PLCB1: variants seen among roughly 807,000 people sequenced by gnomAD.
PLCB1 encodes 1-phosphatidylinositol 4,5-bisphosphate phosphodiesterase beta-1.
PLCB1 carries 46 observed loss-of-function variants against 161.8 expected under a neutral mutation model. The ratio of observed to expected loss-of-function variants is 0.28; its 90% CI spans 0.22 to 0.36. The LOEUF is 0.36. PLCB1 is among the 10% of genes least tolerant of loss of function. PLCB1 has a pLI of 1.00. For synonymous variants in PLCB1, 517 were observed against 503.7 expected (o/e 1.03, Z -0.35); for missense variants, 1,016 against 1,472.5 (o/e 0.69, Z 5.07).
chr20:8,771,274 T>C (rs553134519), intron 26 of PLCB1, among the ~76,000 whole-genome samples: 21 of 152,246 alleles, frequency 1.4e-4, no homozygotes, highest in African/African-American at 4.6e-4. Context: ...TTAAGTTAAA[T>C]AAAATATATT....
At chr20:8,224,710 C>T (rs1979587582) in intron 2 of PLCB1, among the ~76,000 whole-genome samples, 1 of 152,170 alleles carries the variant, frequency 6.6e-6, no homozygotes, top group Non-Finnish European at 1.5e-5. Flanking sequence ...ACCTCATAAC[C>T]ATTGCCTGAT....
intron 2 of PLCB1, among the ~76,000 whole-genome samples, chr20:8,307,206 G>C (rs901558623): frequency 2.6e-5 from 4 of 152,186 alleles, no homozygotes; most frequent in Admixed American, 2.6e-4. Flanking sequence ...GGGAGTAGGG[G>C]GGTGGGCATG....
At position 8,708,879 on chromosome 20, in the gene PLCB1, G is replaced by A. The variant is rs192663781; in HGVS notation, c.1250+127G>A. On this transcript the variant is annotated intron_variant, in intron 12 of 31. Transcript: ENST00000338037. ...CTTCAATCATGTTGTATATTAACTGGCATGTTTTCATTTGTAGGTGATGGA... is the reference window on the plus strand; with the variant it reads ...CTTCAATCATGTTGTATATTAACTGACATGTTTTCATTTGTAGGTGATGGA... The A allele has an allele frequency of 1.3e-4, 75 of 598,826 alleles. 2 individuals are homozygous for A. The Admixed American group carries it at 2.2e-3, about 18-fold the overall frequency. The allele number at this position is 598,826 out of a possible 1,614,324, so 37.1% of individuals were successfully genotyped here.
At chr20:8,866,489 G>A (rs950388241) in intron 31 of PLCB1, among the ~76,000 whole-genome samples, 2 of 152,192 alleles carry the variant, frequency 1.3e-5, no homozygotes, top group East Asian at 1.9e-4. Context: ...GTTGCAAATC[G>A]ACCTGCATGG....
At chr20:8,691,061 G>T (rs1990467423) in intron 10 of PLCB1, among the ~76,000 whole-genome samples, 1 of 152,120 alleles carries the variant, frequency 6.6e-6, no homozygotes, top group Non-Finnish European at 1.5e-5. Context: ...ACAGGCTCTT[G>T]AAGTTTTGCC....
intron 2 of PLCB1, among the ~76,000 whole-genome samples, chr20:8,358,279 C>T (rs1454807353): frequency 6.6e-6 from 1 of 152,112 alleles, no homozygotes; most frequent in Non-Finnish European, 1.5e-5. Context: ...GACAGAGTCT[C>T]ACTCTGTCGC....
chr20:8,166,132 T>C (rs1400869460), intron 2 of PLCB1, among the ~76,000 whole-genome samples: 1 of 152,180 alleles, frequency 6.6e-6, no homozygotes, highest in Non-Finnish European at 1.5e-5. Context: ...CACTGGCTAC[T>C]TCCTTTCTTT....
At chr20:8,355,288 C>T (rs1351112766) in intron 2 of PLCB1, among the ~76,000 whole-genome samples, 1 of 151,338 alleles carries the variant, frequency 6.6e-6, no homozygotes, top group Non-Finnish European at 1.5e-5. Flanking sequence ...ATCATAGGTA[C>T]AATAAAAAAT....
chr20:8,348,026 G>A (rs1423710486), intron 2 of PLCB1, among the ~76,000 whole-genome samples: 1 of 152,156 alleles, frequency 6.6e-6, no homozygotes, highest in Non-Finnish European at 1.5e-5. Context: ...CAGGTAGTAA[G>A]ATGGTAAATC....
chr20:8,662,502 T>C (rs1172922735), intron 9 of PLCB1, among the ~76,000 whole-genome samples: 2 of 141,954 alleles, frequency 1.4e-5, no homozygotes, highest in African/African-American at 2.6e-5. Context: ...ATTATATAAT[T>C]ATGTATAATA....
chr20:8,864,558 C>T (rs1987362050), intron 31 of PLCB1, among the ~76,000 whole-genome samples: 2 of 152,074 alleles, frequency 1.3e-5, no homozygotes, highest in African/African-American at 4.8e-5. Flanking sequence ...ATGAATAAAT[C>T]AATGAATGTG....
At chr20:8,278,945 G>A (rs777979633) in intron 2 of PLCB1, among the ~76,000 whole-genome samples, 4 of 148,098 alleles carry the variant, frequency 2.7e-5, no homozygotes, top group Non-Finnish European at 5.9e-5. Context: ...ATATCCACCA[G>A]CAGCAAAATA....
chr20:8,274,804 A>G (rs1982450938), intron 2 of PLCB1, among the ~76,000 whole-genome samples: 1 of 152,176 alleles, frequency 6.6e-6, no homozygotes. Context: ...TCACATTTGT[A>G]GCCATTGCTC....
intron 3 of PLCB1, among the ~76,000 whole-genome samples, chr20:8,430,349 C>T (rs1282461836): frequency 6.6e-6 from 1 of 151,948 alleles, no homozygotes; most frequent in Non-Finnish European, 1.5e-5. Flanking sequence ...GTCAGGAGAA[C>T]AGATGCTCTT....
At chr20:8,177,118 C>CA (rs200688896) in intron 2 of PLCB1, among the ~76,000 whole-genome samples, 1,789 of 152,078 alleles carry the variant, frequency 0.012, 37 homozygotes, top group African/African-American at 0.039. Context: ...TTTGTCCCCC[C>CA]AAAAAATCAT....
intron 26 of PLCB1, 84 bp from the exon 27 acceptor site, chr20:8,774,455 T>A (rs1290833351): frequency 1.5e-6 from 2 of 1,334,330 alleles, no homozygotes; most frequent in Non-Finnish European, 2.1e-6. Context: ...GAGAACTTTC[T>A]CTAGGAGGAA....
chr20:8,395,116 A>T (rs910024947), intron 3 of PLCB1, among the ~76,000 whole-genome samples: 4 of 152,120 alleles, frequency 2.6e-5, no homozygotes, highest in African/African-American at 9.6e-5. Context: ...ATAGTACCTT[A>T]GTATAAATAA....
chr20:8,637,435 T>C (rs964202203), intron 4 of PLCB1, among the ~76,000 whole-genome samples: 1 of 152,182 alleles, frequency 6.6e-6, no homozygotes, highest in African/African-American at 2.4e-5. Flanking sequence ...ACAAAAGTAC[T>C]GGTCTTAAAG....
rs531938293 is a variant in PLCB1, at chr20:8,408,815, C to T, written c.246+37365C>T. On this transcript the variant is annotated intron_variant, in intron 3 of 31. Coordinates refer to ENST00000338037, the MANE Select transcript of PLCB1 (RefSeq NM_015192.4). ...ATTACTTCATCTCACATTCGGCAGC[C>T]TTTCTGCCCACGCCACAAATATAGT... 1.6e-4 allele frequency among the ~76,000 whole-genome samples: 25 copies of T among 152,304 alleles called. 1 individual carries two copies. Among genetic ancestry groups the T allele is most frequent in the South Asian group, 4.1e-4 (2 of 4,820 alleles).
Sources: allele counts gnomAD v4.1 joint callset (sites outside exome capture counted in the v4.1 genomes callset), GRCh38; gene constraint gnomAD v4.1.1; transcripts MANE v1.5; gene names NCBI Gene and HGNC (gene_info 2026-07-23, HGNC 2026-07-21).